The following MARCHF1 variants were observed in gnomAD, a reference collection of about 807,000 sequenced individuals.
The protein encoded by MARCHF1 is E3 ubiquitin-protein ligase MARCHF1.
A neutral mutation model predicts 54.2 loss-of-function variants in MARCHF1; 40 were observed. The observed-to-expected ratio is 0.74, with a 90% CI of 0.57 to 0.96. MARCHF1 has a LOEUF of 0.96. Ranked by LOEUF, MARCHF1 falls within the 40% of genes least tolerant of loss-of-function variation. The pLI is 0.00. For missense variants in MARCHF1, 586 were observed against 656.5 expected (o/e 0.89, Z 1.17); for synonymous variants, 236 against 236.3 (o/e 1.00, Z 0.01).
At chr4:163,965,100 T>C (rs1752417263) in intron 3 of MARCHF1, among the ~76,000 whole-genome samples, 1 of 151,978 alleles carries the variant, frequency 6.6e-6, no homozygotes, top group Non-Finnish European at 1.5e-5. Flanking sequence ...TTCAAAAAAC[T>C]CAGATCTTAG....
chr4:164,129,263 C>T (rs1470286414), intron 1 of MARCHF1, among the ~76,000 whole-genome samples: 3 of 152,054 alleles, frequency 2.0e-5, no homozygotes, highest in Admixed American at 6.6e-5. Context: ...TGCGATTTGT[C>T]GTTCGGAAAT....
intron 3 of MARCHF1, among the ~76,000 whole-genome samples, chr4:163,918,528 T>A (rs2111355563): frequency 6.6e-6 from 1 of 152,166 alleles, no homozygotes. Flanking sequence ...CCTATCTGAT[T>A]GTGGGGGAAA....
intron 1 of MARCHF1, among the ~76,000 whole-genome samples, chr4:164,367,984 A>G (rs1305813411): frequency 6.6e-6 from 1 of 151,798 alleles, no homozygotes; most frequent in African/African-American, 2.4e-5. Flanking sequence ...ACACCCCTTG[A>G]AGTACACATC....
chr4:164,174,633 T>C (rs1463668450), intron 1 of MARCHF1, among the ~76,000 whole-genome samples: 1 of 152,170 alleles, frequency 6.6e-6, no homozygotes, highest in East Asian at 1.9e-4. Flanking sequence ...TAGTCAGTGT[T>C]TTGATTAAGC....
intron 3 of MARCHF1, among the ~76,000 whole-genome samples, chr4:163,979,790 T>C (rs1325883262): frequency 3.3e-5 from 5 of 152,192 alleles, no homozygotes; most frequent in African/African-American, 1.2e-4. Flanking sequence ...GAGCATTTTT[T>C]CATGTGTTTT....
intron 4 of MARCHF1, among the ~76,000 whole-genome samples, chr4:163,790,223 T>C (rs1029656012): frequency 4.6e-5 from 7 of 152,132 alleles, no homozygotes; most frequent in Non-Finnish European, 7.4e-5. Flanking sequence ...TGAAGCTTAA[T>C]AGTACTTTAT....
At chr4:164,296,728 C>A (rs1431847248) in intron 1 of MARCHF1, among the ~76,000 whole-genome samples, 1 of 152,132 alleles carries the variant, frequency 6.6e-6, no homozygotes, top group Admixed American at 6.6e-5. Flanking sequence ...ATCCTCAGAT[C>A]CCACATCTAC....
intron 7 of MARCHF1, among the ~76,000 whole-genome samples, chr4:163,603,166 AT>A (rs3085765): frequency 0.43 from 64,625 of 151,658 alleles, 14,361 homozygotes; most frequent in East Asian, 0.57. Context: ...GGGAAGTGTA[AT>A]TTTTTTTTCT....
intron 2 of MARCHF1, among the ~76,000 whole-genome samples, chr4:163,999,441 C>T (rs1008214624): frequency 4.0e-5 from 6 of 151,506 alleles, no homozygotes; most frequent in Non-Finnish European, 7.4e-5. Context: ...TATTTCTTGA[C>T]ACTCTACTTA....
intron 1 of MARCHF1, among the ~76,000 whole-genome samples, chr4:164,370,355 G>T (rs1731002297): frequency 6.6e-6 from 1 of 152,178 alleles, no homozygotes; most frequent in Non-Finnish European, 1.5e-5. Flanking sequence ...AATCCAAATA[G>T]AACTGGAACC....
rs1332146468 is a variant in MARCHF1, at chr4:164,199,679, C to CAGAG, written c.-322-88018_-322-88017insCTCT. Among the ~76,000 whole-genome samples, 68 of 51,974 alleles carry CAGAG rather than the reference C, an allele frequency of 1.3e-3. 1 individual carries two copies. The highest frequency in any genetic ancestry group is 1.6e-3 in the South Asian group (2 of 1,236). The allele number at this position is 51,974 out of a possible 152,430, so 34.1% of individuals were successfully genotyped here. On this transcript the variant is annotated intron_variant, in intron 1 of 9. Transcript: ENST00000514618. ...ACACACACACACACACACACACACA[C>CAGAG]ACAGAGAGAGAGAGAGAGAGAGAGA...
At chr4:163,833,634 C>T (rs1375595081) in intron 4 of MARCHF1, among the ~76,000 whole-genome samples, 3 of 152,120 alleles carry the variant, frequency 2.0e-5, no homozygotes, top group Non-Finnish European at 4.4e-5. Context: ...TCATCACCGG[C>T]CATCAGAGAA....
intron 4 of MARCHF1, among the ~76,000 whole-genome samples, chr4:163,832,231 A>C (rs940796118): frequency 5.3e-5 from 8 of 152,200 alleles, no homozygotes; most frequent in African/African-American, 1.9e-4. Context: ...GGAGATATAG[A>C]ATACGTGCAG....
Position 163,527,505 on chromosome 4 carries a change from C to G in MARCHF1, c.*1243G>C, listed in dbSNP as rs1046420684. 2 of 131,450 alleles carry G rather than the reference C, an allele frequency of 1.5e-5. No homozygotes were observed. The highest frequency in any genetic ancestry group is 3.5e-5 in the Non-Finnish European group (2 of 57,664). The allele number at this position is 131,450 out of a possible 1,614,324, so 8.1% of individuals were successfully genotyped here. Reference sequence around the variant, plus strand: ...GTAACAATTTATTTATTTCACAACTCTGCTATAGGCAGATTGATTGTTTTA... The same window carrying G: ...GTAACAATTTATTTATTTCACAACTGTGCTATAGGCAGATTGATTGTTTTA... On this transcript the variant is annotated 3_prime_UTR_variant, in exon 10 of 10. Transcript: ENST00000514618.
chr4:163,982,699 C>T (rs1040542869), intron 3 of MARCHF1, among the ~76,000 whole-genome samples: 7 of 151,958 alleles, frequency 4.6e-5, no homozygotes, highest in Admixed American at 4.6e-4. Flanking sequence ...TATTTTTTTT[C>T]TCTCTCTATG....
At chr4:163,928,063 G>A (rs998286762) in intron 3 of MARCHF1, among the ~76,000 whole-genome samples, 1 of 151,778 alleles carries the variant, frequency 6.6e-6, no homozygotes, top group African/African-American at 2.4e-5. Flanking sequence ...GTTTACTCAT[G>A]TTAGAAAGGC....
intron 3 of MARCHF1, among the ~76,000 whole-genome samples, chr4:163,926,695 G>C (rs1036898994): frequency 6.6e-6 from 1 of 151,446 alleles, no homozygotes; most frequent in African/African-American, 2.4e-5. Context: ...ATTACTAGTA[G>C]AAACTCATTT....
At chr4:164,375,740 C>G (rs1482004408) in intron 1 of MARCHF1, among the ~76,000 whole-genome samples, 1 of 152,142 alleles carries the variant, frequency 6.6e-6, no homozygotes, top group East Asian at 1.9e-4. Flanking sequence ...GTGACAGTCC[C>G]TTATGTTTAG....
At position 163,586,368 on chromosome 4, in the gene MARCHF1, CA is replaced by C. The variant is rs772249741; in HGVS notation, c.1011-440del. Among the ~76,000 whole-genome samples, 5 of 150,552 alleles carry C rather than the reference CA, an allele frequency of 3.3e-5. No individual in the cohort carries two copies. The East Asian group carries it at 5.8e-4, about 18-fold the overall frequency. ...TATGTATGTGCAAATATTGCCAAATCAAAAAAAAAGTCCCCAATCCAACACA... is the reference window on the plus strand; with the variant it reads ...TATGTATGTGCAAATATTGCCAAATCAAAAAAAAGTCCCCAATCCAACACA... On this transcript the variant is annotated intron_variant, in intron 7 of 9. Transcript: ENST00000514618.
Sources: allele counts gnomAD v4.1 joint callset (sites outside exome capture counted in the v4.1 genomes callset), GRCh38; gene constraint gnomAD v4.1.1; transcripts MANE v1.5; gene names NCBI Gene and HGNC (gene_info 2026-07-23, HGNC 2026-07-21).